SLC22A24: variants seen among roughly 807,000 people sequenced by gnomAD.
SLC22A24 encodes the protein solute carrier family 22 member 24.
SLC22A24 carries 53 observed loss-of-function variants against 49.8 expected under a neutral mutation model. The observed-to-expected ratio is 1.06, with a 90% CI of 0.85 to 1.34. The LOEUF is 1.34. Ranked by LOEUF, SLC22A24 falls within the 40% of genes most tolerant of loss-of-function variation. The pLI, the probability that SLC22A24 is intolerant of heterozygous loss-of-function variation, is 0.00. For missense variants in SLC22A24, 786 were observed against 675.9 expected (o/e 1.16, Z -1.81); for synonymous variants, 302 against 256.4 (o/e 1.18, Z -1.70).
intron 4 of SLC22A24, among the ~76,000 whole-genome samples, chr11:63,108,293 C>T (rs1408481613): frequency 2.6e-5 from 4 of 152,112 alleles, no homozygotes; most frequent in Admixed American, 2.0e-4. Flanking sequence ...CCGACTTGAT[C>T]GTGGTGGATA....
intron 4 of SLC22A24, among the ~76,000 whole-genome samples, chr11:63,112,815 C>T (rs1262976087): frequency 6.6e-6 from 1 of 151,030 alleles, no homozygotes; most frequent in East Asian, 1.9e-4. Flanking sequence ...AGATTGAGAC[C>T]ATCGTGGCTA....
At position 63,094,936 on chromosome 11, in the gene SLC22A24, GT is replaced by G. The variant is rs553936074; in HGVS notation, c.1070+1054del. On this transcript the variant is annotated intron_variant, in intron 6 of 9. Coordinates refer to ENST00000612278, the MANE Select transcript of SLC22A24 (RefSeq NM_001136506.2). The stretch of plus-strand genomic sequence containing the variant: ...TTTTCTCCCATTGTGTAGGTTGCCT[GT>G]TCACTCTGCTGGTAGTTTCTTTTGC... Among the ~76,000 whole-genome samples the G allele has an allele frequency of 2.8e-3, 421 of 152,220 alleles. 2 individuals are homozygous for G. The highest frequency in any genetic ancestry group is 9.8e-3 in the African/African-American group (406 of 41,522).
At chr11:63,106,776 G>A (rs1490238102) in intron 4 of SLC22A24, among the ~76,000 whole-genome samples, 6 of 152,094 alleles carry the variant, frequency 3.9e-5, no homozygotes, top group Admixed American at 3.3e-4. Flanking sequence ...TGATGGGGTT[G>A]TTTGCTTTTT....
chr11:63,100,503 C>A (rs2134648607), intron 5 of SLC22A24, among the ~76,000 whole-genome samples: 1 of 152,118 alleles, frequency 6.6e-6, no homozygotes, highest in South Asian at 2.1e-4. Flanking sequence ...CCAAAGCATT[C>A]TACAGATACA....
intron 5 of SLC22A24, among the ~76,000 whole-genome samples, chr11:63,103,020 T>G (rs1202904830): frequency 1.3e-5 from 2 of 152,192 alleles, no homozygotes; most frequent in Admixed American, 6.6e-5. Flanking sequence ...TAAGTAGGCT[T>G]GTTCACACTC....
intron 4 of SLC22A24, among the ~76,000 whole-genome samples, chr11:63,112,218 TTTG>T (rs879855451): frequency 6.6e-6 from 1 of 152,194 alleles, no homozygotes; most frequent in Non-Finnish European, 1.5e-5. Flanking sequence ...TGAGAGATAG[TTTG>T]TTATAATTTC....
chr11:63,102,109 A>G (rs1317440635), intron 5 of SLC22A24, among the ~76,000 whole-genome samples: 1 of 152,152 alleles, frequency 6.6e-6, no homozygotes, highest in Non-Finnish European at 1.5e-5. Flanking sequence ...TGTTTGTAAC[A>G]TGAAGAAAGG....
chr11:63,133,802 G>A (rs1457091901), intron 2 of SLC22A24, among the ~76,000 whole-genome samples: 3 of 151,962 alleles, frequency 2.0e-5, no homozygotes, highest in Non-Finnish European at 4.4e-5. Context: ...CAGCCACCAT[G>A]CCAGGCTAAT....
chr11:63,129,242 C>G (rs1360662480), intron 2 of SLC22A24, among the ~76,000 whole-genome samples: 5 of 152,170 alleles, frequency 3.3e-5, no homozygotes, highest in Admixed American at 3.3e-4. Flanking sequence ...AATCCTTTCC[C>G]CATTGCTTGT....
At chr11:63,101,635 C>A (rs911222387) in intron 5 of SLC22A24, among the ~76,000 whole-genome samples, 2 of 152,020 alleles carry the variant, frequency 1.3e-5, no homozygotes, top group African/African-American at 4.8e-5. Flanking sequence ...GAGATATCTG[C>A]ACTTCATGTT....
Position 63,106,509 on chromosome 11 carries a change from C to G in SLC22A24, c.831-2211G>C, listed in dbSNP as rs141134674. On this transcript the variant is annotated intron_variant, in intron 4 of 9. Coordinates refer to ENST00000612278, the MANE Select transcript of SLC22A24 (RefSeq NM_001136506.2). ...TCTAGATCCCTGAGGAATCACCACA[C>G]TGACTTCCACAATGGTTGTCACTAG... Among the ~76,000 whole-genome samples the G allele has an allele frequency of 1.2e-3, 183 of 152,340 alleles. 2 individuals are homozygous for G. The East Asian group carries it at 0.03, about 25-fold the overall frequency.
chr11:63,080,187 G>C (rs1316752741), intron 9 of SLC22A24, among the ~76,000 whole-genome samples, 187 bp from the exon 10 acceptor site: 1 of 152,206 alleles, frequency 6.6e-6, no homozygotes, highest in Non-Finnish European at 1.5e-5. Flanking sequence ...GCATTCCTGG[G>C]AAGGCAGTGT....
At chr11:63,117,684 C>T (rs2186720) in intron 4 of SLC22A24, among the ~76,000 whole-genome samples, 120,540 of 152,170 alleles carry the variant, frequency 0.79, 48,945 homozygotes, top group East Asian at 0.9. Context: ...CTCTTCCTTA[C>T]GCTTTTCTTA....
chr11:63,129,289 C>T (rs371104659), intron 2 of SLC22A24, among the ~76,000 whole-genome samples: 2 of 152,032 alleles, frequency 1.3e-5, no homozygotes, highest in East Asian at 1.9e-4. Flanking sequence ...TGGTCATAGA[C>T]GTGTGGTGTT....
At chr11:63,141,189 AT>A (rs1238427482) in intron 1 of SLC22A24, among the ~76,000 whole-genome samples, 1 of 152,220 alleles carries the variant, frequency 6.6e-6, no homozygotes, top group African/African-American at 2.4e-5. Context: ...ATAAAATTTT[AT>A]TTTAAAAAAC....
chr11:63,094,516 G>C, intron 6 of SLC22A24, among the ~76,000 whole-genome samples: 1 of 152,148 alleles, frequency 6.6e-6, no homozygotes, highest in South Asian at 2.1e-4. Flanking sequence ...TGGCTGGGTC[G>C]ACTGGTATTT....
chr11:63,083,002 C>T (rs1459030360), intron 7 of SLC22A24, among the ~76,000 whole-genome samples: 1 of 152,180 alleles, frequency 6.6e-6, no homozygotes, highest in East Asian at 1.9e-4. Flanking sequence ...CCAGATTCAT[C>T]TTGGCTGTGA....
At chr11:63,113,884 A>T (rs1313982659) in intron 4 of SLC22A24, among the ~76,000 whole-genome samples, 16 of 149,930 alleles carry the variant, frequency 1.1e-4, no homozygotes, top group African/African-American at 3.7e-4. Context: ...AATGTTGAAT[A>T]TGGGCCCCCT....
intron 6 of SLC22A24, among the ~76,000 whole-genome samples, chr11:63,089,791 A>G (rs1444644724): frequency 6.6e-6 from 1 of 152,092 alleles, no homozygotes; most frequent in Non-Finnish European, 1.5e-5. Flanking sequence ...TAAAAAAGAC[A>G]AAGAACAAGG....
Sources: gnomAD v4.1 joint callset for allele counts (sites outside exome capture counted in the v4.1 genomes callset) on GRCh38, gnomAD v4.1.1 for gene constraint, MANE v1.5 for transcripts, NCBI Gene and HGNC (gene_info 2026-07-23, HGNC 2026-07-21) for gene names.